Variants in ARHGAP25 observed in about 807,000 individuals in gnomAD.
ARHGAP25 encodes Rho GTPase activating protein 25.
ARHGAP25 carries 34 observed loss-of-function variants against 71.0 expected under a neutral mutation model. That is an observed-to-expected ratio of 0.48 (90% CI 0.36 to 0.64). ARHGAP25 has a LOEUF of 0.64. Among genes scored for constraint, ARHGAP25 ranks in the 30% least tolerant of loss-of-function variants. ARHGAP25 has a pLI of 0.00. For missense variants in ARHGAP25, 706 were observed against 805.1 expected (o/e 0.88, Z 1.49); for synonymous variants, 282 against 296.5 (o/e 0.95, Z 0.50).
chr2:68,749,466 A>G (rs1034305286), intron 1 of ARHGAP25, among the ~76,000 whole-genome samples: 6 of 152,090 alleles, frequency 3.9e-5, no homozygotes, highest in Non-Finnish European at 7.4e-5. Context: ...CTCCCTTTCA[A>G]GCCTAGATTC....
intron 4 of ARHGAP25, among the ~76,000 whole-genome samples, chr2:68,798,956 A>G (rs191423150): frequency 6.6e-6 from 1 of 152,332 alleles, no homozygotes; most frequent in African/African-American, 2.4e-5. Flanking sequence ...ATCAGATTCT[A>G]TTTAAAAGAT....
intron 4 of ARHGAP25, among the ~76,000 whole-genome samples, chr2:68,794,361 A>G (rs1174163518): frequency 1.3e-5 from 2 of 152,152 alleles, no homozygotes; most frequent in Non-Finnish European, 2.9e-5. Context: ...CTTAGAGGGA[A>G]TACTTTTGAC....
At chr2:68,783,000 G>A (rs559257517) in intron 3 of ARHGAP25, among the ~76,000 whole-genome samples, 4 of 152,224 alleles carry the variant, frequency 2.6e-5, no homozygotes, top group Non-Finnish European at 4.4e-5. Flanking sequence ...TAGCCTTGCT[G>A]CTACTGCTGT....
chr2:68,727,979 G>A (rs368189656), intron 2 of ARHGAP25, among the ~76,000 whole-genome samples: 1 of 152,338 alleles, frequency 6.6e-6, no homozygotes, highest in South Asian at 2.1e-4. Flanking sequence ...GGGAAATGCA[G>A]CTGAAGTACA....
Position 68,807,196 on chromosome 2 carries a change from G to T in ARHGAP25, c.467-77G>T, listed in dbSNP as rs570742860. On this transcript the variant is annotated intron_variant, in intron 4 of 10. Transcript: ENST00000409202. Reference sequence around the variant, plus strand: ...TGCAATAAAACCTGTGAAGACACAGGTGACACAGAAAGTCAAGAAATAGTT... The same window carrying T: ...TGCAATAAAACCTGTGAAGACACAGTTGACACAGAAAGTCAAGAAATAGTT... 1.7e-5 allele frequency: 24 copies of T among 1,443,276 alleles called. No individual in the cohort carries two copies. The South Asian group carries it at 2.7e-4, about 16-fold the overall frequency. 89.4% of individuals were successfully genotyped at this position (1,443,276 alleles called of 1,614,324 possible).
intron 3 of ARHGAP25, among the ~76,000 whole-genome samples, chr2:68,784,429 C>G (rs1450144275): frequency 6.6e-6 from 1 of 152,062 alleles, no homozygotes; most frequent in Non-Finnish European, 1.5e-5. Context: ...AGATAGGATC[C>G]TCTCTCTGTG....
At chr2:68,774,679 C>A in intron 1 of ARHGAP25, 1 of 929,958 alleles carries the variant, frequency 1.1e-6, no homozygotes, top group Non-Finnish European at 1.3e-6. Flanking sequence ...CTGGAGGGGG[C>A]CTGCGTTCCA....
intron 1 of ARHGAP25, among the ~76,000 whole-genome samples, chr2:68,758,794 C>G (rs966992797): frequency 2.0e-5 from 3 of 151,842 alleles, no homozygotes; most frequent in African/African-American, 7.2e-5. Context: ...TATCCAACAA[C>G]AAAATACACA....
chr2:68,787,745 C>T, intron 3 of ARHGAP25, 95 bp from the exon 4 acceptor site: 1 of 972,944 alleles, frequency 1.0e-6, no homozygotes, highest in Non-Finnish European at 1.7e-6. Context: ...CTTCATTGAA[C>T]CAAGACATCA....
At chr2:68,786,360 G>A (rs749108382) in intron 3 of ARHGAP25, among the ~76,000 whole-genome samples, 8 of 152,124 alleles carry the variant, frequency 5.3e-5, no homozygotes, top group African/African-American at 4.8e-5. Flanking sequence ...ATGGGCCAGC[G>A]GAATCTTTCA....
intron 1 of ARHGAP25, among the ~76,000 whole-genome samples, chr2:68,753,601 T>C (rs4267540): frequency 6.6e-6 from 1 of 152,166 alleles, no homozygotes; most frequent in African/African-American, 2.4e-5. Context: ...AGCTAAATGA[T>C]GGGGTGCTAT....
At chr2:68,809,271 C>T (rs1680604812) in intron 5 of ARHGAP25, among the ~76,000 whole-genome samples, 1 of 152,064 alleles carries the variant, frequency 6.6e-6, no homozygotes, top group Non-Finnish European at 1.5e-5. Context: ...GTGTTGAGGG[C>T]TGTGCCCCGC....
intron 6 of ARHGAP25, among the ~76,000 whole-genome samples, chr2:68,815,218 C>T (rs1681110670): frequency 6.6e-6 from 1 of 152,172 alleles, no homozygotes; most frequent in Non-Finnish European, 1.5e-5. Flanking sequence ...GAAAACATGG[C>T]AGAGGTGGCA....
chr2:68,720,829 C>T (rs1431105712), intron 2 of ARHGAP25, among the ~76,000 whole-genome samples: 1 of 152,220 alleles, frequency 6.6e-6, no homozygotes, highest in Non-Finnish European at 1.5e-5. Context: ...TACTGGGCCA[C>T]TGGGCAGGCA....
chr2:68,775,153 T>C (rs745374895), intron 1 of ARHGAP25, 68 bp from the exon 2 acceptor site: 5 of 1,612,836 alleles, frequency 3.1e-6, no homozygotes, highest in South Asian at 1.1e-5. Flanking sequence ...TCCTCTCTCC[T>C]CTCCGCCCAC....
chr2:68,775,698 C>T (rs1364442475), intron 2 of ARHGAP25: 1 of 596,874 alleles, frequency 1.7e-6, no homozygotes, highest in Non-Finnish European at 3.1e-6. Flanking sequence ...GGTAGTGACA[C>T]TCAGTCAAGG....
At position 68,721,346 on chromosome 2, in the gene ARHGAP25, A is replaced by G. The variant is rs181373198; in HGVS notation, c.-18+10648A>G. ...ATTAGGTTTGCAACAACTCATGGAT[A>G]AAGTATGGATTTCTGACCTGACCTG... On this transcript the variant is annotated intron_variant and NMD_transcript_variant, in intron 2 of 7. Coordinates refer to the ARHGAP25 transcript ENST00000463483. Among the ~76,000 whole-genome samples the G allele has an allele frequency of 3.3e-5, 5 of 152,326 alleles. 1 individual carries two copies. The highest frequency in any genetic ancestry group is 5.9e-5 in the Non-Finnish European group (4 of 68,030).
intron 2 of ARHGAP25, among the ~76,000 whole-genome samples, chr2:68,728,337 T>C (rs771331572): frequency 3.9e-5 from 6 of 152,124 alleles, no homozygotes; most frequent in African/African-American, 7.2e-5. Flanking sequence ...TGATAACAAG[T>C]GTTGGGGAAT....
At chr2:68,760,123 G>A (rs1676712704) in intron 1 of ARHGAP25, among the ~76,000 whole-genome samples, 1 of 151,936 alleles carries the variant, frequency 6.6e-6, no homozygotes, top group East Asian at 1.9e-4. Flanking sequence ...TCATGTATTC[G>A]ACAAGATTCA....
Sources: allele counts gnomAD v4.1 joint callset (sites outside exome capture counted in the v4.1 genomes callset), GRCh38; gene constraint gnomAD v4.1.1; transcripts MANE v1.5; gene names NCBI Gene and HGNC (gene_info 2026-07-23, HGNC 2026-07-21).